Variants in ZBP1 observed in about 807,000 individuals in gnomAD.
ZBP1 encodes Z-DNA binding protein 1, also known as Z-DNA-binding protein 1.
Under a neutral mutation model 41.1 loss-of-function variants are expected in ZBP1, and 42 were observed. The ratio of observed to expected loss-of-function variants is 1.02; its 90% CI spans 0.80 to 1.32. The LOEUF (loss-of-function observed/expected upper bound fraction) is 1.32, where lower values mean the gene tolerates loss of function less well. Among genes scored for constraint, ZBP1 ranks in the 40% most tolerant of loss-of-function variants. The pLI, the probability that ZBP1 is intolerant of heterozygous loss-of-function variation, is 0.00. For synonymous variants in ZBP1, 214 were observed against 205.2 expected (o/e 1.04, Z -0.37); for missense variants, 562 against 549.7 (o/e 1.02, Z -0.22).
In ZBP1 at chr20:57,615,545, C is replaced by G. The variant is rs2146589488; in HGVS notation, c.295G>C (p.Glu99Gln). 1.2e-6 allele frequency: 2 copies of G among 1,613,114 alleles called. No homozygotes were observed. Among genetic ancestry groups the G allele is most frequent in the South Asian group, 2.2e-5 (2 of 90,986 alleles). ...RPQQHAATIP[E>Q]TPGPQFSQQR... ...TGGCTGAACTGAGGGCCAGGGGTCT[C>G]TGGAATTGTAGCTGCATGTTGCTGG... The change falls in exon 3 of 8, where the codon GAG (glutamate) becomes CAG (glutamine). Residue 99 changes from glutamate (E) to glutamine (Q), a missense_variant. By Grantham distance (29) the Glu-to-Gln change is conservative (BLOSUM62 2). Transcript: ENST00000371173.
At chr20:57,615,161 C>G (rs1326842182) in intron 3 of ZBP1, 101 bp from the exon 4 acceptor site, 17 of 1,299,152 alleles carry the variant, frequency 1.3e-5, no homozygotes, top group East Asian at 2.3e-5. Context: ...CCCTCAAGGC[C>G]TGGTTTCCTC....
chr20:57,610,148 C>G lies in ZBP1; in HGVS notation c.1093+1G>C, dbSNP rs775799230. 6.2e-7 allele frequency: 1 copy of G among 1,613,426 alleles called. No individual in the cohort carries two copies. On this transcript the variant is annotated splice_donor_variant, in intron 7 of 7. Coordinates refer to ENST00000371173, the MANE Select transcript of ZBP1 (RefSeq NM_030776.3). LOFTEE classifies it high-confidence loss of function. This position sits in a 1 kb window ranked among gnomAD's most constrained non-coding sequence, Gnocchi z 5.5. ...GGGGTCCACTCTGCCCCCTAGCTCA[C>G]CTGCGTCCTCCCCTGGCTCCCCCTC... is the stretch of plus-strand genomic sequence containing the variant.
intron 7 of ZBP1, among the ~76,000 whole-genome samples, chr20:57,609,938 T>C (rs6099681): frequency 0.052 from 7,972 of 152,206 alleles, 732 homozygotes; most frequent in African/African-American, 0.18. Flanking sequence ...CAGAGGCTCC[T>C]GGGTGAAATG....
rs144130995 is a variant in ZBP1 at position 57,614,674 on chromosome 20, G to T, written c.502+213C>A. ...TCCCATTCACTGGCCTTCTGCAACT[G>T]CAGACCTTGGGCCACGCCTCCAAAA... On this transcript the variant is annotated intron_variant, in intron 4 of 7. Transcript: ENST00000371173. 2.6e-5 allele frequency among the ~76,000 whole-genome samples: 4 copies of T among 152,346 alleles called. No homozygotes were observed. The East Asian group carries it at 7.7e-4, about 29-fold the overall frequency.
chr20:57,604,790 G>T (rs778381596), intron 7 of ZBP1, 21 bp from the exon 8 acceptor site: 1 of 1,604,550 alleles, frequency 6.2e-7, no homozygotes, highest in Non-Finnish European at 8.5e-7. Context: ...GAAGATGGGG[G>T]ATCAGCTTCA....
At chr20:57,614,862 C>G in intron 4 of ZBP1, 25 bp downstream of exon 4, 1 of 1,613,144 alleles carries the variant, frequency 6.2e-7, no homozygotes. Flanking sequence ...CTCTGCAGCC[C>G]AGACACAGGC....
chr20:57,608,521 G>A (rs4811889), intron 7 of ZBP1, among the ~76,000 whole-genome samples: 18,171 of 152,336 alleles, frequency 0.12, 1,200 homozygotes, highest in East Asian at 0.23. Flanking sequence ...GACAGCCTGT[G>A]CTGTGGGGTC....
At chr20:57,616,651 G>A in intron 1 of ZBP1, 183 bp from the exon 2 acceptor site, 1 of 631,254 alleles carries the variant, frequency 1.6e-6, no homozygotes, top group Non-Finnish European at 2.7e-6. Flanking sequence ...TCTGCCCAGA[G>A]GGAGGCATGC....
At chr20:57,617,987 G>A (rs1470682403) in intron 1 of ZBP1, 1 of 152,250 alleles carries the variant, frequency 6.6e-6, no homozygotes, top group Non-Finnish European at 1.5e-5. Context: ...CCTGGCCTGA[G>A]TTTAATGAGG....
chr20:57,618,761 T>C (rs934175819), intron 1 of ZBP1, among the ~76,000 whole-genome samples: 1 of 152,198 alleles, frequency 6.6e-6, no homozygotes, highest in Non-Finnish European at 1.5e-5. Flanking sequence ...TTTGTATTTT[T>C]AGTAGAGACA....
At chr20:57,615,924 T>A in intron 2 of ZBP1, 1 of 540,564 alleles carries the variant, frequency 1.8e-6, no homozygotes, top group East Asian at 3.2e-5. Context: ...TGGGACTGCA[T>A]ATGTTCTGTG....
rs1389581896 is a variant in ZBP1, at chr20:57,613,362, C to CCA, written c.503-34_503-33dup. 1.2e-6 allele frequency: 2 copies of CCA among 1,600,942 alleles called. No individual in the cohort carries two copies. Among genetic ancestry groups the CCA allele is most frequent in the Non-Finnish European group, 1.7e-6 (2 of 1,175,928 alleles). ...AATAATATTCAACTGTATCCCTTTG[C>CCA]CACTGTCTATGGGTCAGGGGTTCCC... On this transcript the variant is annotated intron_variant, in intron 4 of 7. Transcript: ENST00000371173. The surrounding 1 kb of genome is among the most constrained non-coding windows in gnomAD (Gnocchi z 4.5).
intron 7 of ZBP1, among the ~76,000 whole-genome samples, chr20:57,606,037 G>T (rs551114025): frequency 6.6e-6 from 1 of 152,350 alleles, no homozygotes; most frequent in Admixed American, 6.5e-5. Flanking sequence ...AGTGAGAAAT[G>T]ATTAAGCTTG....
Position 57,604,727 on chromosome 20 carries a change from C to A in ZBP1, c.1136G>T (p.Arg379Leu). 4 of 1,614,028 alleles carry A rather than the reference C, an allele frequency of 2.5e-6. No homozygotes were observed. The highest frequency in any genetic ancestry group is 3.4e-6 in the Non-Finnish European group (4 of 1,179,998). ...GGGAGTGATGGGCTGACCAATGTCT[C>A]GAGGAAAGTGACTTCTGGATTGTGT... ...ADTQSRSHFP[R>L]DIGQPITPSH... The change falls in exon 8 of 8, where the codon CGA becomes CTA. Residue 379 changes from arginine to leucine, a missense_variant. Coordinates refer to ENST00000371173, the MANE Select transcript of ZBP1 (RefSeq NM_030776.3).
intron 1 of ZBP1, among the ~76,000 whole-genome samples, chr20:57,619,341 T>C (rs73915207): frequency 0.069 from 10,527 of 152,278 alleles, 1,094 homozygotes; most frequent in African/African-American, 0.22. Context: ...TTCAGGTTCC[T>C]CTTCTGTGAA....
intron 5 of ZBP1, chr20:57,612,823 T>A (rs1437140324): frequency 1.0e-6 from 1 of 958,776 alleles, no homozygotes; most frequent in Non-Finnish European, 1.3e-6. Context: ...GAGTTGTTTC[T>A]CATGAAAAAC....
In ZBP1 at chr20:57,606,566, C is replaced by T. The variant is rs145953952; in HGVS notation, c.1094-1797G>A. Among the ~76,000 whole-genome samples the T allele has an allele frequency of 1.0e-3, 157 of 152,336 alleles. No homozygotes were observed. The East Asian group carries it at 0.026, about 25-fold the overall frequency. ...GATGTCATCTAGAACTTTCATAACT[C>T]GAAAGGAGATGTCAATGCCTGGCTT... On this transcript the variant is annotated intron_variant, in intron 7 of 7. Transcript: ENST00000371173.
chr20:57,613,939 T>TCAGCTC lies in ZBP1; in HGVS notation c.503-615_503-610dup, dbSNP rs1166088993. 2.0e-5 allele frequency among the ~76,000 whole-genome samples: 3 copies of TCAGCTC among 152,248 alleles called. No individual in the cohort carries two copies. Among genetic ancestry groups the TCAGCTC allele is most frequent in the Non-Finnish European group, 4.4e-5 (3 of 68,042 alleles). On this transcript the variant is annotated intron_variant, in intron 4 of 7. Coordinates refer to ENST00000371173, the MANE Select transcript of ZBP1 (RefSeq NM_030776.3). This position sits in a 1 kb window ranked among gnomAD's most constrained non-coding sequence, Gnocchi z 4.5. ...GGGCCCATCACCACCCTCCAGGGTC[T>TCAGCTC]CAGCTCCTGTGCCTTTGTGGGCCCT...
At position 57,610,358 on chromosome 20, in the gene ZBP1, G is replaced by A. The variant is rs2070626715; in HGVS notation, c.884C>T (p.Thr295Ile). 1.2e-6 allele frequency: 2 copies of A among 1,614,186 alleles called. No homozygotes were observed. The highest frequency in any genetic ancestry group is 1.7e-6 in the Non-Finnish European group (2 of 1,180,026). ...AAACGAAGCTTCTGGGCCGGCAGCA[G>A]TGGCAGAGACTGTGGGTCAAAGGGA... ...IPPGSPPVSA[T>I]AAGPEASFEA... The change falls in exon 7 of 8, where the codon ACT becomes ATT. Residue 295 changes from threonine (T) to isoleucine (I), a missense_variant. Transcript: ENST00000371173. The surrounding 1 kb of genome is among the most constrained non-coding windows in gnomAD (Gnocchi z 5.5).
Sources: gnomAD v4.1 joint callset for allele counts (sites outside exome capture counted in the v4.1 genomes callset) on GRCh38, gnomAD v4.1.1 for gene constraint, Gnocchi (gnomAD v3.1) non-coding constraint, MANE v1.5 for transcripts, NCBI Gene and HGNC (gene_info 2026-07-23, HGNC 2026-07-21) for gene names.